Variants in DLEU7 observed in about 807,000 individuals in gnomAD.
DLEU7 encodes leukemia-associated protein 7.
DLEU7 carries 17 observed loss-of-function variants against 16.0 expected under a neutral mutation model. The observed-to-expected ratio is 1.06, with a 90% CI of 0.73 to 1.59. The LOEUF (loss-of-function observed/expected upper bound fraction) is 1.59, where lower values mean the gene tolerates loss of function less well. DLEU7 is among the 40% of genes most tolerant of loss of function. The pLI is 0.00. For missense variants in DLEU7, 308 were observed against 314.9 expected (o/e 0.98, Z 0.17); for synonymous variants, 113 against 139.8 (o/e 0.81, Z 1.35).
At chr13:50,807,628 C>CTAT (rs1185967742) in intron 1 of DLEU7, among the ~76,000 whole-genome samples, 7 of 151,864 alleles carry the variant, frequency 4.6e-5, no homozygotes, top group Non-Finnish European at 8.8e-5. Flanking sequence ...CTTTGAAAGG[C>CTAT]TATTGTAAGG....
intron 1 of DLEU7, among the ~76,000 whole-genome samples, chr13:50,769,472 T>C (rs903235200): frequency 1.6e-4 from 24 of 152,204 alleles, no homozygotes; most frequent in African/African-American, 5.8e-4. Context: ...GTATAAGGTA[T>C]AAGGAAGGGA....
At chr13:50,780,150 G>A (rs1257047113) in intron 1 of DLEU7, among the ~76,000 whole-genome samples, 2 of 152,148 alleles carry the variant, frequency 1.3e-5, no homozygotes, top group African/African-American at 4.8e-5. Flanking sequence ...GTAGGCTTAC[G>A]AGTACAGCCA....
intron 1 of DLEU7, among the ~76,000 whole-genome samples, chr13:50,782,501 C>T (rs189093343): frequency 3.1e-4 from 47 of 152,256 alleles, no homozygotes; most frequent in Admixed American, 1.3e-3. Flanking sequence ...GAAGCTATTG[C>T]GACCTCTTCA....
intron 1 of DLEU7, among the ~76,000 whole-genome samples, chr13:50,835,521 C>G (rs1877427068): frequency 6.6e-6 from 1 of 152,194 alleles, no homozygotes; most frequent in South Asian, 2.1e-4. Context: ...GGATCACATC[C>G]AAATGGAAGA....
At chr13:50,800,873 G>A (rs1401733942) in intron 1 of DLEU7, among the ~76,000 whole-genome samples, 1 of 152,098 alleles carries the variant, frequency 6.6e-6, no homozygotes, top group African/African-American at 2.4e-5. Flanking sequence ...TGGTGTTTTA[G>A]TGGTTAGTTT....
chr13:50,763,798 C>T (rs1438080114), intron 1 of DLEU7, among the ~76,000 whole-genome samples: 1 of 152,204 alleles, frequency 6.6e-6, no homozygotes, highest in Non-Finnish European at 1.5e-5. Context: ...GCTGTCTGAC[C>T]AGAAGCCAAC....
chr13:50,760,632 G>C (rs1463185669), intron 1 of DLEU7, among the ~76,000 whole-genome samples: 1 of 152,184 alleles, frequency 6.6e-6, no homozygotes, highest in East Asian at 1.9e-4. Context: ...CAAGTGTTGG[G>C]ATTACAGGCG....
chr13:50,823,360 G>A lies in DLEU7; in HGVS notation c.620C>T (p.Ala207Val). The change falls in exon 2 of 2, where the codon GCC becomes GTC. Residue 207 changes from alanine (A) to valine (V), a missense_variant. By Grantham distance (64) the Ala-to-Val change is moderately conservative. Coordinates refer to ENST00000504404, the MANE Select transcript of DLEU7 (RefSeq NM_001306135.2). ...TAAGATCTGTCTCAAGGAAGCACAGGCTACCATGTGGGCATCTGAAGGAAA... is the reference window on the plus strand; with the variant it reads ...TAAGATCTGTCTCAAGGAAGCACAGACTACCATGTGGGCATCTGAAGGAAA... ...ANFPSDAHMV[A>V]CASLRQILQN... The A allele has an allele frequency of 6.5e-7, 1 of 1,535,818 alleles. No individual in the cohort carries two copies. Among genetic ancestry groups the A allele is most frequent in the Non-Finnish European group, 8.7e-7 (1 of 1,146,678 alleles).
intron 1 of DLEU7, among the ~76,000 whole-genome samples, chr13:50,785,548 G>C (rs1875775420): frequency 6.6e-6 from 1 of 152,142 alleles, no homozygotes; most frequent in Non-Finnish European, 1.5e-5. Context: ...TATAAAAAAA[G>C]ATCACTTAAG....
intron 1 of DLEU7, among the ~76,000 whole-genome samples, chr13:50,766,475 C>T: frequency 6.6e-6 from 1 of 151,874 alleles, no homozygotes; most frequent in East Asian, 1.9e-4. Context: ...TCTTCCTTCT[C>T]TTCCTACTCC....
At chr13:50,823,575 G>T in intron 1 of DLEU7, 55 bp from the exon 2 acceptor site, 2 of 1,519,364 alleles carry the variant, frequency 1.3e-6, no homozygotes, top group Non-Finnish European at 1.8e-6. Flanking sequence ...GGGGCCAATT[G>T]TTGTACTTTG....
chr13:50,805,544 GA>G (rs1876363682), intron 1 of DLEU7, among the ~76,000 whole-genome samples: 2 of 151,816 alleles, frequency 1.3e-5, no homozygotes, highest in Admixed American at 6.6e-5. Flanking sequence ...GCATATGTTT[GA>G]TTTTTTTATA....
At chr13:50,767,319 G>A (rs1024715442) in intron 1 of DLEU7, among the ~76,000 whole-genome samples, 5 of 152,118 alleles carry the variant, frequency 3.3e-5, no homozygotes, top group African/African-American at 2.4e-5. Flanking sequence ...AGCCGGGCGT[G>A]GTGGCGGGCG....
chr13:50,723,415 T>TACACACACACACAC (rs35069706), intron 1 of DLEU7, among the ~76,000 whole-genome samples: 3 of 148,268 alleles, frequency 2.0e-5, no homozygotes, highest in African/African-American at 7.5e-5. Context: ...ACAATAATTG[T>TACACACACACACAC]ACACACACAC....
At chr13:50,780,930 C>T (rs1456207629) in intron 1 of DLEU7, among the ~76,000 whole-genome samples, 3 of 152,170 alleles carry the variant, frequency 2.0e-5, no homozygotes, top group Admixed American at 6.5e-5. Flanking sequence ...TTCCTCCCTC[C>T]CAGAGCCAGC....
At chr13:50,820,372 T>A (rs896713786), downstream of DLEU7, among the ~76,000 whole-genome samples, 1 of 152,012 alleles carries the variant, frequency 6.6e-6, no homozygotes, top group African/African-American at 2.4e-5. Context: ...TCATGCTGAC[T>A]CAATGATATT....
chr13:50,777,041 G>A (rs916962855), intron 1 of DLEU7, among the ~76,000 whole-genome samples: 3 of 152,122 alleles, frequency 2.0e-5, no homozygotes, highest in African/African-American at 7.2e-5. Flanking sequence ...CTGGAACTTA[G>A]TAGTGGCTTC....
chr13:50,828,452 T>G (rs1877162874), intron 1 of DLEU7, among the ~76,000 whole-genome samples: 1 of 152,208 alleles, frequency 6.6e-6, no homozygotes, highest in Admixed American at 6.5e-5. Context: ...TTTCAAATAC[T>G]TTATACTGAA....
chr13:50,821,501 T>A (rs1321389130), downstream of DLEU7, among the ~76,000 whole-genome samples: 1 of 152,142 alleles, frequency 6.6e-6, no homozygotes, highest in Admixed American at 6.6e-5. Flanking sequence ...AGATATCATG[T>A]GATAAACACC....
Sources: gnomAD v4.1 joint callset for allele counts (sites outside exome capture counted in the v4.1 genomes callset) on GRCh38, gnomAD v4.1.1 for gene constraint, MANE v1.5 for transcripts, NCBI Gene and HGNC (gene_info 2026-07-23, HGNC 2026-07-21) for gene names.